Variants in CTNNA1 observed in about 807,000 individuals in gnomAD.
CTNNA1 encodes the protein catenin alpha-1.
In CTNNA1, 37 loss-of-function variants were observed where a neutral mutation model predicts 98.4. The ratio of observed to expected loss-of-function variants is 0.38; its 90% CI spans 0.29 to 0.49. The LOEUF is 0.49. CTNNA1 is among the 20% of genes least tolerant of loss of function. The probability of loss-of-function intolerance (pLI) is 0.95; values close to 1 mark genes in which losing one functional copy is unlikely to be tolerated. For synonymous variants in CTNNA1, 404 were observed against 413.2 expected (o/e 0.98, Z 0.27); for missense variants, 761 against 1,147.2 (o/e 0.66, Z 4.86).
At chr5:138,823,685 C>T (rs530232959) in intron 5 of CTNNA1, among the ~76,000 whole-genome samples, 2 of 152,074 alleles carry the variant, frequency 1.3e-5, no homozygotes, top group East Asian at 1.9e-4. Flanking sequence ...TGGCTGGGCG[C>T]GGTGGCTCAC....
chr5:138,929,582 TTA>T (rs1209056713), intron 14 of CTNNA1, among the ~76,000 whole-genome samples: 2 of 152,176 alleles, frequency 1.3e-5, no homozygotes, highest in East Asian at 3.8e-4. Flanking sequence ...GCCCTGAGCT[TTA>T]GTTTATGATA....
At position 138,845,634 on chromosome 5, in the gene CTNNA1, C is replaced by T. The variant is rs558531100; in HGVS notation, c.1062+17916C>T. Among the ~76,000 whole-genome samples the T allele has an allele frequency of 2.0e-5, 3 of 152,260 alleles. No homozygotes were observed. The South Asian group carries it at 6.2e-4, about 32-fold the overall frequency. The stretch of plus-strand genomic sequence containing the variant: ...GGGACATACTTCAGAGTTTTGATTG[C>T]CTTGGTCCCCCTTTTCATAAACAGG... On this transcript the variant is annotated intron_variant, in intron 7 of 17. Transcript: ENST00000302763.
At chr5:138,781,399 C>G (rs1214389712) in intron 1 of CTNNA1, among the ~76,000 whole-genome samples, 1 of 151,698 alleles carries the variant, frequency 6.6e-6, no homozygotes, top group East Asian at 1.9e-4. Context: ...ACTAAAAATG[C>G]AAAAAAATTA....
At chr5:138,856,606 G>A (rs1036408561) in intron 7 of CTNNA1, among the ~76,000 whole-genome samples, 7 of 152,084 alleles carry the variant, frequency 4.6e-5, no homozygotes, top group African/African-American at 1.4e-4. Context: ...ACTCCCAAAG[G>A]GCTGGTATTA....
chr5:138,769,413 G>A (rs1329576013), intron 1 of CTNNA1, among the ~76,000 whole-genome samples: 1 of 151,658 alleles, frequency 6.6e-6, no homozygotes, highest in Non-Finnish European at 1.5e-5. Context: ...TTTTGAGATG[G>A]AGTCTCACTG....
In CTNNA1 at chr5:138,887,668, C is replaced by T. The variant is rs865809047; in HGVS notation, c.1296+26C>T. The T allele has an allele frequency of 5.0e-6, 8 of 1,589,446 alleles. No individual in the cohort carries two copies. In the Middle Eastern group the frequency reaches 1.3e-3, roughly 267 times the overall value. Reference sequence around the variant, plus strand: ...GTAAGTGAATTAGCAGTTTCATTGACTTGTAGGCAACTTGGTGAAGTGTGG... The same window carrying T: ...GTAAGTGAATTAGCAGTTTCATTGATTTGTAGGCAACTTGGTGAAGTGTGG... On this transcript the variant is annotated intron_variant, in intron 9 of 17. Transcript: ENST00000302763.
At chr5:138,859,725 T>C (rs1009769808) in intron 7 of CTNNA1, among the ~76,000 whole-genome samples, 3 of 151,882 alleles carry the variant, frequency 2.0e-5, no homozygotes, top group African/African-American at 7.3e-5. Context: ...CTGGGCAACA[T>C]GGCAAAACCC....
At chr5:138,760,496 C>T (rs1299621164) in intron 1 of CTNNA1, among the ~76,000 whole-genome samples, 2 of 151,702 alleles carry the variant, frequency 1.3e-5, no homozygotes, top group African/African-American at 4.8e-5. Context: ...TCCTGAGTAG[C>T]TGGGATTACA....
At chr5:138,766,057 A>G (rs1252671038) in intron 1 of CTNNA1, among the ~76,000 whole-genome samples, 1 of 152,038 alleles carries the variant, frequency 6.6e-6, no homozygotes, top group Non-Finnish European at 1.5e-5. Flanking sequence ...TAATTCAGTT[A>G]AACATGTATA....
chr5:138,851,015 G>A (rs1212405890), intron 7 of CTNNA1, among the ~76,000 whole-genome samples: 2 of 152,226 alleles, frequency 1.3e-5, no homozygotes, highest in South Asian at 2.1e-4. Context: ...TGTGAAGAAA[G>A]AAGATGATTC....
At chr5:138,811,165 C>T (rs1458243891) in intron 4 of CTNNA1, among the ~76,000 whole-genome samples, 4 of 148,898 alleles carry the variant, frequency 2.7e-5, no homozygotes, top group Admixed American at 6.7e-5. Flanking sequence ...TCAGATGGGG[C>T]GGTTGCCAGG....
At chr5:138,848,407 G>A (rs1308456118) in intron 7 of CTNNA1, among the ~76,000 whole-genome samples, 2 of 151,900 alleles carry the variant, frequency 1.3e-5, no homozygotes, top group Admixed American at 1.3e-4. Flanking sequence ...TTGTTTGTTT[G>A]TTTTTTTAGC....
chr5:138,885,209 C>T (rs769759148), intron 7 of CTNNA1, among the ~76,000 whole-genome samples: 33 of 152,262 alleles, frequency 2.2e-4, no homozygotes, highest in Non-Finnish European at 4.1e-4. Flanking sequence ...CCATTCCTAA[C>T]CATTCATCTG....
At chr5:138,765,905 C>T (rs577917030) in intron 1 of CTNNA1, among the ~76,000 whole-genome samples, 42 of 143,984 alleles carry the variant, frequency 2.9e-4, no homozygotes, top group South Asian at 1.6e-3. Context: ...GCCAAGATCG[C>T]GCCACTGCAC....
chr5:138,777,876 A>AGAGGGAGAGGGAGAG (rs747122916), intron 1 of CTNNA1, among the ~76,000 whole-genome samples: 17 of 45,634 alleles, frequency 3.7e-4, no homozygotes, highest in African/African-American at 1.3e-3. Flanking sequence ...GACCGTGGGG[A>AGAGGGAGAGGGAGAG]GAGGGAGAGG....
At chr5:138,902,764 T>A (rs1271202401) in intron 9 of CTNNA1, among the ~76,000 whole-genome samples, 3 of 152,234 alleles carry the variant, frequency 2.0e-5, no homozygotes, top group Non-Finnish European at 4.4e-5. Context: ...TTTTCAATGA[T>A]CATCATCAGA....
At chr5:138,760,771 T>A (rs906702873) in intron 1 of CTNNA1, among the ~76,000 whole-genome samples, 14 of 152,234 alleles carry the variant, frequency 9.2e-5, no homozygotes, top group Non-Finnish European at 1.6e-4. Flanking sequence ...TACTTTATCA[T>A]CACCTGTGGT....
chr5:138,852,871 G>A lies in CTNNA1; in HGVS notation c.1062+25153G>A, dbSNP rs55905094. ...CCCTTCCCTCTTTTCGCGCGCGCGC[G>A]CACACACACATTTTTGCATAGGTGT... On this transcript the variant is annotated intron_variant, in intron 7 of 17. Coordinates refer to ENST00000302763, the MANE Select transcript of CTNNA1 (RefSeq NM_001903.5). Among the ~76,000 whole-genome samples, 345 of 151,290 alleles carry A rather than the reference G, an allele frequency of 2.3e-3. 2 individuals are homozygous for A. The highest frequency in any genetic ancestry group is 3.0e-3 in the Non-Finnish European group (203 of 67,822).
In CTNNA1 at chr5:138,859,096, A is replaced by G. The variant is rs562240513; in HGVS notation, c.1063-27116A>G. 6.6e-5 allele frequency among the ~76,000 whole-genome samples: 10 copies of G among 152,320 alleles called. No individual in the cohort carries two copies. The East Asian group carries it at 1.9e-3, about 29-fold the overall frequency. On this transcript the variant is annotated intron_variant, in intron 7 of 17. Transcript: ENST00000302763. ...TGATGGGCTTGTTATTGTAGTCATC[A>G]TTCTGAATTCCTAAATGGTATACAT... is the stretch of plus-strand genomic sequence containing the variant.
Sources: allele counts gnomAD v4.1 joint callset (sites outside exome capture counted in the v4.1 genomes callset), GRCh38; gene constraint gnomAD v4.1.1; transcripts MANE v1.5; gene names NCBI Gene and HGNC (gene_info 2026-07-23, HGNC 2026-07-21).